The following ELANE variants were observed in gnomAD, a reference collection of about 807,000 sequenced individuals.
ELANE encodes neutrophil elastase.
Under a neutral mutation model 20.6 loss-of-function variants are expected in ELANE, and 12 were observed. That is an observed-to-expected ratio of 0.58 (90% CI 0.37 to 0.94). The LOEUF (loss-of-function observed/expected upper bound fraction) is 0.94, where lower values mean the gene tolerates loss of function less well. Ranked by LOEUF, ELANE falls within the 40% of genes least tolerant of loss-of-function variation. The pLI is 0.01. For missense variants in ELANE, 388 were observed against 395.2 expected (o/e 0.98, Z 0.15); for synonymous variants, 203 against 177.4 (o/e 1.14, Z -1.15).
intron 3 of ELANE, among the ~76,000 whole-genome samples, chr19:854,507 C>T (rs2145146817): frequency 6.6e-6 from 1 of 151,174 alleles, no homozygotes; most frequent in Admixed American, 6.6e-5. Context: ...TCATAGCTCT[C>T]ACCCAGTGCA....
At chr19:853,117 G>T in intron 2 of ELANE, 85 bp downstream of exon 2, 1 of 1,482,224 alleles carries the variant, frequency 6.7e-7, no homozygotes, top group Non-Finnish European at 8.9e-7. Context: ...GGCCGGGGCT[G>T]CTGGCGGGGG....
At chr19:852,604 G>T (rs1398381788) in intron 1 of ELANE, among the ~76,000 whole-genome samples, 4 of 135,356 alleles carry the variant, frequency 3.0e-5, no homozygotes, top group African/African-American at 8.0e-5. Context: ...AGGGGGGGGG[G>T]GTCGCAGGTC....
At chr19:853,437 G>C (rs540046846) in intron 3 of ELANE, 34 bp downstream of exon 3, 1 of 1,559,402 alleles carries the variant, frequency 6.4e-7, no homozygotes, top group Non-Finnish European at 8.7e-7. Context: ...CGCAGGGGCG[G>C]AGGCCAGAGG....
Position 855,120 on chromosome 19 carries a change from T to C in ELANE, c.367-444T>C, listed in dbSNP as rs1023507583. Among the ~76,000 whole-genome samples, 4 of 152,100 alleles carry C rather than the reference T, an allele frequency of 2.6e-5. No individual in the cohort carries two copies. Among genetic ancestry groups the C allele is most frequent in the Non-Finnish European group, 5.9e-5 (4 of 68,012 alleles). On this transcript the variant is annotated intron_variant, in intron 3 of 4. Transcript: ENST00000263621. The surrounding 1 kb of genome is among the most constrained non-coding windows in gnomAD (Gnocchi z 6.2). ...GGCCCACCTCAGCCTCCCAAAATGCTGGGATTATAGGCGTGAGCCACCGCA... is the reference window on the plus strand; with the variant it reads ...GGCCCACCTCAGCCTCCCAAAATGCCGGGATTATAGGCGTGAGCCACCGCA...
At chr19:852,851 G>T (rs763885813) in intron 1 of ELANE, 25 bp from the exon 2 acceptor site, 1 of 1,590,510 alleles carries the variant, frequency 6.3e-7, no homozygotes, top group Non-Finnish European at 8.5e-7. Context: ...CAGGCACTCA[G>T]CACCCGCACC....
In ELANE at chr19:852,395, G is replaced by A. The variant is rs2035608108; in HGVS notation, c.67G>A (p.Gly23Ser). ...TGTCCTGCCGGCCTTGCTGCTGGGG[G>A]GTGAGTTTTTGAGTCCAACCTCCCG... The part of the protein sequence containing the change: ...ACVLPALLLG[G>S]TALASEIVGG... Residue 23 changes from glycine (G) to serine (S), a missense_variant and splice_region_variant, in exon 1 of 5, where the codon GGC (glycine) becomes AGC (serine). Gly to Ser is a moderately conservative substitution (Grantham distance 56). Transcript: ENST00000263621. 1 of 1,611,108 alleles carries A rather than the reference G, an allele frequency of 6.2e-7. No individual in the cohort carries two copies. The highest frequency in any genetic ancestry group is 8.5e-7 in the Non-Finnish European group (1 of 1,179,768).
chr19:855,867 G>T lies in ELANE; in HGVS notation c.597+73G>T. The T allele has an allele frequency of 2.5e-6, 4 of 1,604,670 alleles. No homozygotes were observed. The highest frequency in any genetic ancestry group is 3.4e-6 in the Non-Finnish European group (4 of 1,177,896). ...ACTGCAGCAACAGGCACCGTGGCTA[G>T]ACCCTAGGAGGGACTTCCCAACCCT... On this transcript the variant is annotated intron_variant, in intron 4 of 4. Transcript: ENST00000263621. The surrounding 1 kb of genome is among the most constrained non-coding windows in gnomAD (Gnocchi z 6.2).
chr19:853,126 G>A (rs1019343411), intron 2 of ELANE, 94 bp downstream of exon 2: 29 of 1,487,968 alleles, frequency 1.9e-5, no homozygotes, highest in South Asian at 2.6e-5. Context: ...TGCTGGCGGG[G>A]GGGGGTCCGT....
Position 855,956 on chromosome 19 carries a change from A to G in ELANE, c.598-2A>G. The stretch of plus-strand genomic sequence containing the variant: ...GCTTCCCCACCTTGTCTGCCTCCAC[A>G]GGGGGACTCCGGCAGCCCCTTGGTC... On this transcript the variant is annotated splice_acceptor_variant, in intron 4 of 4. Transcript: ENST00000263621. LOFTEE classifies it high-confidence loss of function. This position sits in a 1 kb window ranked among gnomAD's most constrained non-coding sequence, Gnocchi z 6.2. The G allele has an allele frequency of 6.2e-7, 1 of 1,613,150 alleles. No homozygotes were observed. Among genetic ancestry groups the G allele is most frequent in the South Asian group, 1.1e-5 (1 of 91,090 alleles).
intron 3 of ELANE, 25 bp downstream of exon 3, chr19:853,428 G>A (rs745676058): frequency 5.7e-6 from 9 of 1,575,400 alleles, no homozygotes; most frequent in Non-Finnish European, 7.7e-6. Flanking sequence ...GGCGGGGGGC[G>A]CAGGGGCGGA....
intron 1 of ELANE, 39 bp from the exon 2 acceptor site, chr19:852,837 T>C (rs1357254577): frequency 6.3e-7 from 1 of 1,585,884 alleles, no homozygotes; most frequent in Non-Finnish European, 8.5e-7. Flanking sequence ...GACAGGCTCC[T>C]TGGCAGGCAC....
chr19:855,999 C>T lies in ELANE; in HGVS notation c.639C>T (p.His213=), dbSNP rs199532353. ...CCTTGGTCTGCAACGGGCTAATCCA[C>T]GGAATTGCCTCCTTCGTCCGGGGAG... ...GSPLVCNGLI[H]GIASFVRGGC... is the part of the protein sequence containing the mutation. Residue 213 remains histidine (H), a synonymous_variant, in exon 5 of 5, where the codon CAC becomes CAT. Coordinates refer to ENST00000263621, the MANE Select transcript of ELANE (RefSeq NM_001972.4). The surrounding 1 kb of genome is among the most constrained non-coding windows in gnomAD (Gnocchi z 6.2). The T allele has an allele frequency of 9.3e-6, 15 of 1,613,354 alleles. No homozygotes were observed. Among genetic ancestry groups the T allele is most frequent in the Middle Eastern group, 1.6e-4 (1 of 6,084 alleles).
At position 856,158 on chromosome 19, in the gene ELANE, C is replaced by A. The variant is rs760876822; in HGVS notation, c.798C>A (p.Thr266=). 5 of 1,612,776 alleles carry A rather than the reference C, an allele frequency of 3.1e-6. No individual in the cohort carries two copies. Among genetic ancestry groups the A allele is most frequent in the South Asian group, 1.1e-5 (1 of 91,086 alleles). ...HPRDPDPASR[T]H Reference sequence around the variant, plus strand: ...GGGACCCGGACCCGGCCAGCAGGACCCACTGAGAAGGGCTGCCCGGGTCAC... The same window carrying A: ...GGGACCCGGACCCGGCCAGCAGGACACACTGAGAAGGGCTGCCCGGGTCAC... The change falls in exon 5 of 5, where the codon ACC becomes ACA. Residue 266 remains threonine (T), a synonymous_variant. Transcript: ENST00000263621.
In ELANE at chr19:855,646, A is replaced by C; in HGVS notation, c.449A>C (p.Gln150Pro). The C allele has an allele frequency of 6.2e-7, 1 of 1,606,758 alleles. No individual in the cohort carries two copies. Among genetic ancestry groups the C allele is most frequent in the Non-Finnish European group, 8.5e-7 (1 of 1,179,848 alleles). The change falls in exon 4 of 5, where the codon CAG becomes CCG. Residue 150 changes from glutamine to proline, a missense_variant. Transcript: ENST00000263621. This position sits in a 1 kb window ranked among gnomAD's most constrained non-coding sequence, Gnocchi z 6.2. ...AQGRRLGNGV[Q>P]CLAMGWGLLG... is the part of the protein sequence containing the mutation. Reference sequence around the variant, plus strand: ...GGACGCCGCCTGGGCAACGGGGTGCAGTGCCTGGCCATGGGCTGGGGCCTT... The same window carrying C: ...GGACGCCGCCTGGGCAACGGGGTGCCGTGCCTGGCCATGGGCTGGGGCCTT...
Position 853,246 on chromosome 19 carries a change from T to C in ELANE, c.225-16T>C. ...CCCGGGGCCGCCCCTGAGCCCCGCC[T>C]CTCCCTCCCCGGCAGAAACGTCCGC... On this transcript the variant is annotated splice_polypyrimidine_tract_variant and intron_variant, in intron 2 of 4. Transcript: ENST00000263621. The C allele has an allele frequency of 1.3e-6, 2 of 1,580,898 alleles. No homozygotes were observed. The highest frequency in any genetic ancestry group is 1.7e-6 in the Non-Finnish European group (2 of 1,164,478).
rs745597068 is a variant in ELANE at position 855,464 on chromosome 19, C to A, written c.367-100C>A. ...TATCCTGCCCTGCAGGATCCCAGAA[C>A]CACAGTGGAACCTGAGATGGGGAAA... On this transcript the variant is annotated intron_variant, in intron 3 of 4. Transcript: ENST00000263621. The surrounding 1 kb of genome is among the most constrained non-coding windows in gnomAD (Gnocchi z 6.2). 1.5e-6 allele frequency: 2 copies of A among 1,330,328 alleles called. No homozygotes were observed. Among genetic ancestry groups the A allele is most frequent in the Non-Finnish European group, 2.1e-6 (2 of 958,284 alleles). The allele number at this position is 1,330,328 out of a possible 1,614,324, so 82.4% of individuals were successfully genotyped here.
At position 855,682 on chromosome 19, in the gene ELANE, A is replaced by T; in HGVS notation, c.485A>T (p.Asn162Ile). The T allele has an allele frequency of 6.2e-7, 1 of 1,609,250 alleles. No individual in the cohort carries two copies. The highest frequency in any genetic ancestry group is 1.7e-4 in the Middle Eastern group (1 of 6,012). Residue 162 changes from asparagine to isoleucine, a missense_variant, in exon 4 of 5, where the codon AAC becomes ATC. Physicochemically the swap from Asn to Ile is moderately radical, Grantham distance 149 (BLOSUM62 -3). Coordinates refer to ENST00000263621, the MANE Select transcript of ELANE (RefSeq NM_001972.4). This position sits in a 1 kb window ranked among gnomAD's most constrained non-coding sequence, Gnocchi z 6.2. Reference protein sequence around the residue: ...LAMGWGLLGRNRGIASVLQEL... With the variant: ...LAMGWGLLGRIRGIASVLQEL... The stretch of plus-strand genomic sequence containing the variant: ...ATGGGCTGGGGCCTTCTGGGCAGGA[A>T]CCGTGGGATCGCCAGCGTCCTGCAG...
chr19:853,360 G>A lies in ELANE; in HGVS notation c.323G>A (p.Gly108Asp), dbSNP rs1279639938. 6.2e-7 allele frequency: 1 copy of A among 1,611,618 alleles called. No homozygotes were observed. Among genetic ancestry groups the A allele is most frequent in the South Asian group, 1.1e-5 (1 of 90,958 alleles). ...VFAVQRIFEN[G>D]YDPVNLLNDI... The stretch of plus-strand genomic sequence containing the variant: ...GCCGTGCAGCGCATCTTCGAAAACG[G>A]CTACGACCCCGTAAACTTGCTCAAC... The change falls in exon 3 of 5, where the codon GGC becomes GAC. Residue 108 changes from glycine to aspartate, a missense_variant. Transcript: ENST00000263621.
At position 852,373 on chromosome 19, in the gene ELANE, C is replaced by T. The variant is rs1210157302; in HGVS notation, c.45C>T (p.Val15=). 1 of 1,611,660 alleles carries T rather than the reference C, an allele frequency of 6.2e-7. No individual in the cohort carries two copies. Among genetic ancestry groups the T allele is most frequent in the Admixed American group, 1.7e-5 (1 of 60,010 alleles). ...RRLACLFLAC[V]LPALLLGGTA... ...TCGCGTGTCTTTTCCTCGCCTGTGT[C>T]CTGCCGGCCTTGCTGCTGGGGGGTG... The change falls in exon 1 of 5, where the codon GTC becomes GTT. Residue 15 remains valine, a synonymous_variant. Coordinates refer to ENST00000263621, the MANE Select transcript of ELANE (RefSeq NM_001972.4).
Sources: gnomAD v4.1 joint callset for allele counts (sites outside exome capture counted in the v4.1 genomes callset) on GRCh38, gnomAD v4.1.1 for gene constraint, Gnocchi (gnomAD v3.1) non-coding constraint, MANE v1.5 for transcripts, NCBI Gene and HGNC (gene_info 2026-07-23, HGNC 2026-07-21) for gene names.